Variants in FAM168A observed in about 807,000 individuals in gnomAD.
FAM168A encodes the protein family with sequence similarity 168 member A.
A neutral mutation model predicts 28.5 loss-of-function variants in FAM168A; 3 were observed. The observed-to-expected ratio is 0.11, with a 90% confidence interval of 0.05 to 0.27. The LOEUF is 0.27. Among genes scored for constraint, FAM168A ranks in the 10% least tolerant of loss-of-function variants. The pLI, the probability that FAM168A is intolerant of heterozygous loss-of-function variation, is 1.00. For synonymous variants in FAM168A, 122 were observed against 124.2 expected (o/e 0.98, Z 0.12); for missense variants, 222 against 311.5 (o/e 0.71, Z 2.16).
At chr11:73,592,250 G>A (rs1485630359) in intron 1 of FAM168A, among the ~76,000 whole-genome samples, 1 of 152,238 alleles carries the variant, frequency 6.6e-6, no homozygotes, top group African/African-American at 2.4e-5. Context: ...ACTGGCAGGA[G>A]GAGGAGGTGT....
chr11:73,471,443 G>A (rs1242332056), intron 1 of FAM168A, among the ~76,000 whole-genome samples: 1 of 152,120 alleles, frequency 6.6e-6, no homozygotes, highest in Non-Finnish European at 1.5e-5. Context: ...ATAGTTCTAT[G>A]AGCCCCTGAA....
intron 1 of FAM168A, among the ~76,000 whole-genome samples, chr11:73,489,127 C>T (rs1366724654): frequency 6.6e-6 from 1 of 152,146 alleles, no homozygotes; most frequent in Non-Finnish European, 1.5e-5. Flanking sequence ...GATCTGCCCG[C>T]CTTGGCCTCC....
intron 1 of FAM168A, among the ~76,000 whole-genome samples, chr11:73,557,645 T>C (rs1251248960): frequency 1.3e-5 from 2 of 152,190 alleles, no homozygotes; most frequent in Non-Finnish European, 2.9e-5. Context: ...AAACCTCTTT[T>C]TGTAGAACTG....
At position 73,479,138 on chromosome 11, in the gene FAM168A, T is replaced by C. The variant is rs1867932444; in HGVS notation, c.-18-10646A>G. On this transcript the variant is annotated intron_variant, in intron 1 of 7. Coordinates refer to ENST00000356467, the MANE Select transcript of FAM168A (RefSeq NM_015159.3). ...ATTCCTGCTATCTAGAATTAGGACA[T>C]GATGATTATAGCTCAGCAGGCTTCT... Among the ~76,000 whole-genome samples the C allele has an allele frequency of 2.0e-5, 3 of 152,178 alleles. No homozygotes were observed. The South Asian group carries it at 6.2e-4, about 32-fold the overall frequency.
chr11:73,579,024 T>C (rs1944210937), intron 1 of FAM168A, among the ~76,000 whole-genome samples: 2 of 152,214 alleles, frequency 1.3e-5, no homozygotes, highest in Admixed American at 1.3e-4. Flanking sequence ...GACAGTCAGC[T>C]TCCTGGTTTG....
At chr11:73,456,639 T>C (rs1867537673) in intron 2 of FAM168A, among the ~76,000 whole-genome samples, 1 of 152,262 alleles carries the variant, frequency 6.6e-6, no homozygotes, top group Non-Finnish European at 1.5e-5. Context: ...GTTTTAAGGA[T>C]ACCTACATTG....
intron 2 of FAM168A, among the ~76,000 whole-genome samples, chr11:73,435,432 A>C (rs903008972): frequency 1.3e-5 from 2 of 152,174 alleles, no homozygotes; most frequent in African/African-American, 4.8e-5. Context: ...ATGTTCCTTC[A>C]ATGTTTCCAA....
chr11:73,514,422 T>A (rs1429613540), intron 1 of FAM168A, among the ~76,000 whole-genome samples: 1 of 152,204 alleles, frequency 6.6e-6, no homozygotes, highest in Admixed American at 6.5e-5. Flanking sequence ...AGGACATACA[T>A]AGTGTTTGAG....
intron 2 of FAM168A, among the ~76,000 whole-genome samples, chr11:73,461,777 A>G (rs1401249974): frequency 6.6e-6 from 1 of 152,222 alleles, no homozygotes; most frequent in East Asian, 1.9e-4. Context: ...GGTATATGAA[A>G]GGAGTTAGGA....
At chr11:73,534,368 C>T (rs1943550182) in intron 1 of FAM168A, among the ~76,000 whole-genome samples, 1 of 151,856 alleles carries the variant, frequency 6.6e-6, no homozygotes, top group Non-Finnish European at 1.5e-5. Context: ...CTGGCAGTAT[C>T]ATGTATTTCT....
intron 2 of FAM168A, among the ~76,000 whole-genome samples, chr11:73,460,132 G>A (rs1171543324): frequency 7.9e-5 from 12 of 151,838 alleles, no homozygotes; most frequent in Non-Finnish European, 1.2e-4. Flanking sequence ...CGCCCACCTC[G>A]GCCTCCCAAA....
chr11:73,573,665 A>G (rs773020213), intron 1 of FAM168A, among the ~76,000 whole-genome samples: 3 of 152,216 alleles, frequency 2.0e-5, no homozygotes, highest in Non-Finnish European at 4.4e-5. Context: ...CCGACGGGGC[A>G]CAGTGGCTCA....
chr11:73,566,784 T>C (rs1433286830), intron 1 of FAM168A, among the ~76,000 whole-genome samples: 2 of 152,192 alleles, frequency 1.3e-5, no homozygotes, highest in Non-Finnish European at 2.9e-5. Flanking sequence ...TTACAAATTA[T>C]TACTATAAAA....
chr11:73,547,799 C>T (rs1271722353), intron 1 of FAM168A, among the ~76,000 whole-genome samples: 2 of 150,340 alleles, frequency 1.3e-5, no homozygotes, highest in Non-Finnish European at 2.9e-5. Context: ...GCATTATTCA[C>T]AACAGCCAAG....
At chr11:73,538,247 C>T (rs914217941) in intron 1 of FAM168A, among the ~76,000 whole-genome samples, 2 of 151,698 alleles carry the variant, frequency 1.3e-5, no homozygotes, top group East Asian at 3.9e-4. Context: ...AAGCCACTCA[C>T]TGAACAAATT....
intron 1 of FAM168A, among the ~76,000 whole-genome samples, chr11:73,539,131 C>G (rs1943620657): frequency 6.6e-6 from 1 of 152,166 alleles, no homozygotes; most frequent in Non-Finnish European, 1.5e-5. Flanking sequence ...GTCCCTTCCC[C>G]TATCTGGGTC....
chr11:73,400,967 C>A lies in FAM168A; in HGVS notation c.*5796G>T, dbSNP rs189241924. The A allele has an allele frequency of 6.6e-6, 1 of 152,234 alleles. No individual in the cohort carries two copies. Among genetic ancestry groups the A allele is most frequent in the Admixed American group, 6.5e-5 (1 of 15,300 alleles). The allele number at this position is 152,234 out of a possible 1,614,324, so 9.4% of individuals were successfully genotyped here. ...ACAACAAAACAAAACCAGATTTACA[C>A]TTCATACACACAGGCAAGGCCATGG... On this transcript the variant is annotated 3_prime_UTR_variant, in exon 8 of 8. Transcript: ENST00000356467.
intron 1 of FAM168A, among the ~76,000 whole-genome samples, chr11:73,515,406 G>A (rs559924061): frequency 6.6e-6 from 1 of 151,888 alleles, no homozygotes; most frequent in East Asian, 1.9e-4. Flanking sequence ...CTACTCCGGA[G>A]GCTGAGGCAG....
At chr11:73,445,290 G>A (rs967294822) in intron 2 of FAM168A, among the ~76,000 whole-genome samples, 15 of 151,612 alleles carry the variant, frequency 9.9e-5, no homozygotes, top group African/African-American at 2.4e-4. Context: ...ATTATCGGTC[G>A]GACATTAGAT....
Sources: gnomAD v4.1 joint callset for allele counts (sites outside exome capture counted in the v4.1 genomes callset) on GRCh38, gnomAD v4.1.1 for gene constraint, MANE v1.5 for transcripts, NCBI Gene and HGNC (gene_info 2026-07-23, HGNC 2026-07-21) for gene names.